Variants in DTWD1 observed in about 807,000 individuals in gnomAD.
The protein encoded by DTWD1 is DTW motif tRNA-uridine aminocarboxypropyltransferase 1.
In DTWD1, 27 loss-of-function variants were observed where a neutral mutation model predicts 30.2. That is an observed-to-expected ratio of 0.90 (90% CI 0.66 to 1.23). The LOEUF is 1.23. Among genes scored for constraint, DTWD1 ranks in the 50% most tolerant of loss-of-function variants. The pLI is 0.00. For missense variants in DTWD1, 342 were observed against 348.8 expected (o/e 0.98, Z 0.15); for synonymous variants, 99 against 113.1 (o/e 0.88, Z 0.79).
intron 3 of DTWD1, among the ~76,000 whole-genome samples, chr15:49,633,069 A>G (rs1047216336): frequency 1.4e-5 from 2 of 145,994 alleles, no homozygotes; most frequent in Admixed American, 1.4e-4. Flanking sequence ...ATATATATAT[A>G]TGTATTTTTT....
intron 4 of DTWD1, among the ~76,000 whole-genome samples, chr15:49,639,946 T>C (rs1359552929): frequency 6.6e-6 from 1 of 152,116 alleles, no homozygotes; most frequent in Non-Finnish European, 1.5e-5. Context: ...TTTATATTTT[T>C]AAATAAATTG....
rs1466123223 is a variant in DTWD1, at chr15:49,646,785, T to C, written c.*3207T>C. The C allele has an allele frequency of 6.6e-6, 1 of 152,216 alleles. No individual in the cohort carries two copies. The highest frequency in any genetic ancestry group is 2.4e-5 in the African/African-American group (1 of 41,452). The allele number at this position is 152,216 out of a possible 1,614,324, so 9.4% of individuals were successfully genotyped here. A position where few individuals can be genotyped will look rare whatever the true frequency, so the allele number is the denominator to read the frequency against. ...CAGCAGCAAGTGCTACACAGTAATT[T>C]ATCAGTTTGCATTTGCCTCCCATTA... On this transcript the variant is annotated 3_prime_UTR_variant, in exon 5 of 5. Transcript: ENST00000403028.
intron 4 of DTWD1, 83 bp downstream of exon 4, chr15:49,634,877 G>T: frequency 7.5e-7 from 1 of 1,338,994 alleles, no homozygotes; most frequent in Non-Finnish European, 1.0e-6. Context: ...ATTTGAAAGA[G>T]GAGTTACACT....
In DTWD1 at chr15:49,652,702, CT is replaced by C. The variant is rs1423488584; in HGVS notation, c.*9126del. On this transcript the variant is annotated 3_prime_UTR_variant, in exon 5 of 5. Coordinates refer to ENST00000403028, the MANE Select transcript of DTWD1 (RefSeq NM_001144955.2). ...TCTGAGAGGTCAAGAAAAGAGGTCT[CT>C]TGATTCCTTTAGGAACTGCTCCCTA... 7.1e-6 allele frequency: 1 copy of C among 141,140 alleles called. No individual in the cohort carries two copies. Among genetic ancestry groups the C allele is most frequent in the Admixed American group, 6.7e-5 (1 of 14,852 alleles). The allele number at this position is 141,140 out of a possible 1,614,324, so 8.7% of individuals were successfully genotyped here.
rs1380989037 is a variant in DTWD1 at position 49,645,694 on chromosome 15, G to A, written c.*2116G>A. On this transcript the variant is annotated 3_prime_UTR_variant, in exon 5 of 5. Transcript: ENST00000403028. ...AAGAAAAAAAAAAGCGAGAGACAGAGAACAATTCTATCACTCATTTGCCTC... is the reference window on the plus strand; with the variant it reads ...AAGAAAAAAAAAAGCGAGAGACAGAAAACAATTCTATCACTCATTTGCCTC... 2 of 151,830 alleles carry A rather than the reference G, an allele frequency of 1.3e-5. No individual in the cohort carries two copies. The highest frequency in any genetic ancestry group is 6.6e-5 in the Admixed American group (1 of 15,232). 9.4% of individuals were successfully genotyped at this position (151,830 alleles called of 1,614,324 possible). A position where few individuals can be genotyped will look rare whatever the true frequency, so the allele number is the denominator to read the frequency against.
At chr15:49,639,772 T>G (rs2079044110) in intron 4 of DTWD1, among the ~76,000 whole-genome samples, 1 of 152,194 alleles carries the variant, frequency 6.6e-6, no homozygotes, top group Non-Finnish European at 1.5e-5. Context: ...ATTTGTTCTT[T>G]TATCCATAGT....
In DTWD1 at chr15:49,634,415, C is replaced by A. The variant is rs2078973134; in HGVS notation, c.409-121C>A. The A allele has an allele frequency of 1.7e-5, 20 of 1,148,332 alleles. No individual in the cohort carries two copies. In the South Asian group the frequency reaches 4.0e-4, roughly 23 times the overall value. The allele number at this position is 1,148,332 out of a possible 1,614,324, so 71.1% of individuals were successfully genotyped here. On this transcript the variant is annotated intron_variant, in intron 3 of 4. Coordinates refer to ENST00000403028, the MANE Select transcript of DTWD1 (RefSeq NM_001144955.2). The stretch of plus-strand genomic sequence containing the variant: ...TATTAAAGAACCATATACAATAGAA[C>A]CAACCTAATGCTTATTTCTCAGATA...
chr15:49,648,816 A>T lies in DTWD1; in HGVS notation c.*5238A>T, dbSNP rs780982761. ...TCACTCTTTATTCAGCAGTTCTGCC[A>T]CTATTACTAGCTAATCCAACAACGA... is the stretch of plus-strand genomic sequence containing the variant. On this transcript the variant is annotated 3_prime_UTR_variant, in exon 5 of 5. Transcript: ENST00000403028. 2 of 152,210 alleles carry T rather than the reference A, an allele frequency of 1.3e-5. No homozygotes were observed. The highest frequency in any genetic ancestry group is 1.5e-5 in the Non-Finnish European group (1 of 68,028). 9.4% of individuals were successfully genotyped at this position (152,210 alleles called of 1,614,324 possible).
intron 3 of DTWD1, 110 bp from the exon 4 acceptor site, chr15:49,634,426 C>T: frequency 7.9e-7 from 1 of 1,262,714 alleles, no homozygotes; most frequent in Non-Finnish European, 1.1e-6. Context: ...CAACCTAATG[C>T]TTATTTCTCA....
chr15:49,625,553 G>C (rs774825377), intron 2 of DTWD1, 122 bp downstream of exon 2: 1 of 1,099,544 alleles, frequency 9.1e-7, no homozygotes, highest in Non-Finnish European at 1.3e-6. Context: ...ACAAGTGCTT[G>C]TTGCTGCAAA....
Position 49,645,720 on chromosome 15 carries a change from C to T in DTWD1, c.*2142C>T, listed in dbSNP as rs2079113524. On this transcript the variant is annotated 3_prime_UTR_variant, in exon 5 of 5. Transcript: ENST00000403028. ...AACAATTCTATCACTCATTTGCCTC[C>T]ATCTCTCAGCTGGCATAAGAAAGAT... 6.6e-6 allele frequency: 1 copy of T among 151,958 alleles called. No homozygotes were observed. Among genetic ancestry groups the T allele is most frequent in the African/African-American group, 2.4e-5 (1 of 41,378 alleles). The allele number at this position is 151,958 out of a possible 1,614,324, so 9.4% of individuals were successfully genotyped here.
chr15:49,628,190 G>A (rs2078870261), intron 2 of DTWD1, among the ~76,000 whole-genome samples: 1 of 152,032 alleles, frequency 6.6e-6, no homozygotes, highest in Non-Finnish European at 1.5e-5. Context: ...TCCACATCTT[G>A]TCCCACTGGA....
intron 2 of DTWD1, among the ~76,000 whole-genome samples, chr15:49,631,350 G>A (rs896988700): frequency 6.6e-5 from 10 of 152,128 alleles, no homozygotes; most frequent in Non-Finnish European, 1.2e-4. Context: ...ATGTGATGCC[G>A]AAAATCATGA....
intron 4 of DTWD1, among the ~76,000 whole-genome samples, chr15:49,635,127 TG>T (rs2078984624): frequency 6.6e-6 from 1 of 152,098 alleles, no homozygotes; most frequent in Admixed American, 6.6e-5. Flanking sequence ...CTCCTCCTCC[TG>T]GGTTCAAGTG....
At chr15:49,633,043 C>CTATCTATATATATATA (rs1555588572) in intron 3 of DTWD1, among the ~76,000 whole-genome samples, 9,976 of 126,498 alleles carry the variant, frequency 0.079, 592 homozygotes, top group Non-Finnish European at 0.13. Flanking sequence ...CTATTTATAT[C>CTATCTATATATATATA]TATATCTATA....
At chr15:49,638,012 T>G (rs1342181896) in intron 4 of DTWD1, among the ~76,000 whole-genome samples, 1 of 152,206 alleles carries the variant, frequency 6.6e-6, no homozygotes, top group African/African-American at 2.4e-5. Flanking sequence ...TGCCGATGTT[T>G]GATAGAAAGA....
intron 1 of DTWD1, among the ~76,000 whole-genome samples, chr15:49,621,949 CTG>C (rs933874856): frequency 6.6e-6 from 1 of 151,964 alleles, no homozygotes; most frequent in African/African-American, 2.4e-5. Context: ...ACAGGGGAGT[CTG>C]TATAGTGTTC....
At chr15:49,638,217 C>G (rs1170135002) in intron 4 of DTWD1, among the ~76,000 whole-genome samples, 4 of 152,286 alleles carry the variant, frequency 2.6e-5, no homozygotes, top group Non-Finnish European at 5.9e-5. Flanking sequence ...CTTGACAAAA[C>G]TATAAAAGGA....
At position 49,646,724 on chromosome 15, in the gene DTWD1, A is replaced by T. The variant is rs992065496; in HGVS notation, c.*3146A>T. On this transcript the variant is annotated 3_prime_UTR_variant, in exon 5 of 5. Transcript: ENST00000403028. ...GTGGCCAAGCAAGTGTACTTGCCAC[A>T]TGATTGGCAGTGTCTCTTCATGGCT... 2 of 152,194 alleles carry T rather than the reference A, an allele frequency of 1.3e-5. No homozygotes were observed. 9.4% of individuals were successfully genotyped at this position (152,194 alleles called of 1,614,324 possible).
Sources: gnomAD v4.1 joint callset for allele counts (sites outside exome capture counted in the v4.1 genomes callset) on GRCh38, gnomAD v4.1.1 for gene constraint, MANE v1.5 for transcripts, NCBI Gene and HGNC (gene_info 2026-07-23, HGNC 2026-07-21) for gene names.